MAN2A1: variants seen among roughly 807,000 people sequenced by gnomAD.
MAN2A1 encodes the protein mannosidase alpha class 2A member 1.
In MAN2A1, 76 loss-of-function variants were observed where a neutral mutation model predicts 142.6. That is an observed-to-expected ratio of 0.53 (90% CI 0.44 to 0.65). The LOEUF (loss-of-function observed/expected upper bound fraction) is 0.65. MAN2A1 is among the 30% of genes least tolerant of loss of function. The pLI, the probability that MAN2A1 is intolerant of heterozygous loss-of-function variation, is 0.00. For missense variants in MAN2A1, 1,311 were observed against 1,365.1 expected, an observed-to-expected ratio of 0.96 and a Z score of 0.62; for synonymous variants, 559 against 473.2, an observed-to-expected ratio of 1.18 and a Z score of -2.35.
chr5:109,763,732 G>T (rs1292607877), intron 5 of MAN2A1, among the ~76,000 whole-genome samples: 1 of 151,476 alleles, frequency 6.6e-6, no homozygotes, highest in Non-Finnish European at 1.5e-5. Context: ...ATTATGGGAT[G>T]CATTTTTAGT....
chr5:109,800,383 C>G (rs1016212411), intron 12 of MAN2A1, among the ~76,000 whole-genome samples: 1 of 152,098 alleles, frequency 6.6e-6, no homozygotes, highest in South Asian at 2.1e-4. Flanking sequence ...TGGTCTTGTT[C>G]ATTATTCCAA....
At chr5:109,699,108 TA>T (rs1335137008) in intron 1 of MAN2A1, among the ~76,000 whole-genome samples, 1 of 152,232 alleles carries the variant, frequency 6.6e-6, no homozygotes, top group Non-Finnish European at 1.5e-5. Context: ...TTCAATGATG[TA>T]ATTGCATTTG....
rs1011399173 is a variant in MAN2A1 at position 109,868,900 on chromosome 5, G to C, written c.*1902G>C. On this transcript the variant is annotated 3_prime_UTR_variant, in exon 22 of 22. Coordinates refer to ENST00000261483, the MANE Select transcript of MAN2A1 (RefSeq NM_002372.4). ...GTTCAGTTTGTCTGTGGTTAAGTGG[G>C]TGTGCTTAATCATTCTCGAAATTGT... The C allele has an allele frequency of 1.3e-5, 2 of 152,052 alleles. No homozygotes were observed. The highest frequency in any genetic ancestry group is 2.4e-5 in the African/African-American group (1 of 41,396). 9.4% of individuals were successfully genotyped at this position (152,052 alleles called of 1,614,324 possible). A position where few individuals can be genotyped will look rare whatever the true frequency, so the allele number is the denominator to read the frequency against.
At chr5:109,865,399 C>T (rs1755853342) in intron 21 of MAN2A1, 4 of 429,632 alleles carry the variant, frequency 9.3e-6, no homozygotes, top group Middle Eastern at 6.8e-4. Context: ...ATTTCCTAGG[C>T]CTTCTATTTC....
At chr5:109,848,410 A>G (rs1755395838) in intron 19 of MAN2A1, among the ~76,000 whole-genome samples, 1 of 152,164 alleles carries the variant, frequency 6.6e-6, no homozygotes, top group African/African-American at 2.4e-5. Flanking sequence ...AGCCCTGAGC[A>G]TGGGCTTTTT....
At chr5:109,766,271 A>G (rs1561500850) in intron 5 of MAN2A1, among the ~76,000 whole-genome samples, 1 of 152,184 alleles carries the variant, frequency 6.6e-6, no homozygotes, top group Admixed American at 6.6e-5. Context: ...CAATCTTAGA[A>G]TACATGAAAG....
intron 16 of MAN2A1, among the ~76,000 whole-genome samples, chr5:109,827,512 C>A (rs1754788264): frequency 6.6e-6 from 1 of 152,122 alleles, no homozygotes; most frequent in Non-Finnish European, 1.5e-5. Flanking sequence ...ACTTTTTGGT[C>A]CTTAATGATT....
chr5:109,767,464 G>T, intron 5 of MAN2A1, 71 bp from the exon 6 acceptor site: 1 of 1,269,554 alleles, frequency 7.9e-7, no homozygotes. Context: ...CAATGAGTCT[G>T]AATGTGTTGT....
intron 12 of MAN2A1, chr5:109,804,215 C>T (rs939831090): frequency 1.1e-5 from 11 of 986,992 alleles, no homozygotes; most frequent in Non-Finnish European, 1.2e-5. Context: ...GTATCCTGAT[C>T]CTGAAAAAGT....
At chr5:109,763,882 A>C (rs1458331151) in intron 5 of MAN2A1, among the ~76,000 whole-genome samples, 1 of 151,528 alleles carries the variant, frequency 6.6e-6, no homozygotes, top group Non-Finnish European at 1.5e-5. Flanking sequence ...GCTTACTGCA[A>C]CCTCCGCCTG....
chr5:109,819,033 T>C lies in MAN2A1; in HGVS notation c.2110-636T>C, dbSNP rs1470298710. Among the ~76,000 whole-genome samples the C allele has an allele frequency of 4.6e-5, 7 of 152,296 alleles. 1 individual carries two copies. The South Asian group carries it at 1.5e-3, about 32-fold the overall frequency. ...CAATGGCTCAACCTAGATTTTTCAA[T>C]TTTATAATAGCGTGAAAGTAATGTG... On this transcript the variant is annotated intron_variant, in intron 13 of 21. Coordinates refer to ENST00000261483, the MANE Select transcript of MAN2A1 (RefSeq NM_002372.4).
chr5:109,820,316 C>G lies in MAN2A1; in HGVS notation c.2425C>G (p.Leu809Val), dbSNP rs920411897. The G allele has an allele frequency of 2.5e-6, 4 of 1,613,098 alleles. No individual in the cohort carries two copies. Among genetic ancestry groups the G allele is most frequent in the Admixed American group, 3.3e-5 (2 of 59,938 alleles). ...TIKRDKSGAY[L>V]FLPDGNAKPY... Reference sequence around the variant, plus strand: ...TAAAAGAGACAAAAGTGGTGCCTACCTCTTCTTACCTGATGGTAATGCCAA... The same window carrying G: ...TAAAAGAGACAAAAGTGGTGCCTACGTCTTCTTACCTGATGGTAATGCCAA... The change falls in exon 15 of 22, where the codon CTC (leucine) becomes GTC (valine). Residue 809 changes from leucine (L) to valine (V), a missense_variant. Coordinates refer to ENST00000261483, the MANE Select transcript of MAN2A1 (RefSeq NM_002372.4).
At chr5:109,777,991 T>C (rs1051395270) in intron 8 of MAN2A1, among the ~76,000 whole-genome samples, 1 of 152,014 alleles carries the variant, frequency 6.6e-6, no homozygotes, top group African/African-American at 2.4e-5. Flanking sequence ...ATAGTAAAAG[T>C]CTTCCAGTTT....
intron 3 of MAN2A1, among the ~76,000 whole-genome samples, chr5:109,722,406 CTTTTG>C (rs1046464683): frequency 1.3e-5 from 2 of 151,910 alleles, no homozygotes; most frequent in Admixed American, 6.6e-5. Flanking sequence ...TATTTTCCAG[CTTTTG>C]TTTTGTTTTG....
chr5:109,854,943 G>A, intron 19 of MAN2A1, 197 bp from the exon 20 acceptor site: 3 of 405,452 alleles, frequency 7.4e-6, no homozygotes, highest in Admixed American at 4.4e-5. Context: ...TGAGTTAGAT[G>A]TGTGCTGTTT....
At chr5:109,690,635 C>T in intron 1 of MAN2A1, 83 bp downstream of exon 1, 1 of 1,458,120 alleles carries the variant, frequency 6.9e-7, no homozygotes, top group South Asian at 1.2e-5. Flanking sequence ...CAACCTCTTC[C>T]TCCCGCCGCG....
chr5:109,813,299 C>T (rs1754367413), intron 12 of MAN2A1, among the ~76,000 whole-genome samples: 1 of 152,196 alleles, frequency 6.6e-6, no homozygotes, highest in Non-Finnish European at 1.5e-5. Context: ...AATTTGGATG[C>T]AACTAAGGGA....
At chr5:109,732,291 A>C (rs1397066190) in intron 4 of MAN2A1, among the ~76,000 whole-genome samples, 1 of 150,496 alleles carries the variant, frequency 6.6e-6, no homozygotes, top group Non-Finnish European at 1.5e-5. Context: ...GGTTGCAAAA[A>C]TTTTCTCCCA....
At chr5:109,815,714 C>T (rs1304873446) in intron 12 of MAN2A1, among the ~76,000 whole-genome samples, 1 of 151,174 alleles carries the variant, frequency 6.6e-6, no homozygotes, top group African/African-American at 2.4e-5. Flanking sequence ...CATTTTATTT[C>T]TTAATGAACA....
Sources: gnomAD v4.1 joint callset for allele counts (sites outside exome capture counted in the v4.1 genomes callset) on GRCh38, gnomAD v4.1.1 for gene constraint, MANE v1.5 for transcripts, NCBI Gene and HGNC (gene_info 2026-07-23, HGNC 2026-07-21) for gene names.